Variants in CCDC112 observed in about 807,000 individuals in gnomAD.
The protein encoded by CCDC112 is coiled-coil domain-containing protein 112.
In CCDC112, 40 loss-of-function variants were observed where a neutral mutation model predicts 66.3. The ratio of observed to expected loss-of-function variants is 0.60; its 90% CI spans 0.47 to 0.79. The LOEUF (loss-of-function observed/expected upper bound fraction) is 0.79. CCDC112 is among the 30% of genes least tolerant of loss of function. CCDC112 has a pLI of 0.00. For missense variants in CCDC112, 659 were observed against 603.8 expected (o/e 1.09, Z -0.96); for synonymous variants, 214 against 197.2 (o/e 1.09, Z -0.71).
At chr5:115,296,375 C>G in intron 1 of CCDC112, 52 bp downstream of exon 1, 1 of 1,532,286 alleles carries the variant, frequency 6.5e-7, no homozygotes, top group Non-Finnish European at 8.7e-7. Flanking sequence ...TCAGCCAGGG[C>G]CTGCAGCCCC....
At position 115,284,650 on chromosome 5, in the gene CCDC112, T is replaced by C. The variant is rs1027460073; in HGVS notation, c.239+137A>G. The stretch of plus-strand genomic sequence containing the variant: ...TTATTTCATACCTCCCATCTTTCTC[T>C]TGTTATATTTGACAGGCTAGTGATT... On this transcript the variant is annotated intron_variant, in intron 2 of 9. Transcript: ENST00000379611. 8 of 549,190 alleles carry C rather than the reference T, an allele frequency of 1.5e-5. No homozygotes were observed. The African/African-American group carries it at 1.5e-4, about 10-fold the overall frequency. 34.0% of individuals were successfully genotyped at this position (549,190 alleles called of 1,614,324 possible). A position where few individuals can be genotyped will look rare whatever the true frequency, so the allele number is the denominator to read the frequency against.
At chr5:115,296,109 G>C (rs927530034) in intron 1 of CCDC112, 116 of 1,069,000 alleles carry the variant, frequency 1.1e-4, no homozygotes, top group Non-Finnish European at 1.3e-4. Context: ...TCCAAAGCTC[G>C]GGAGGTGCAT....
intron 2 of CCDC112, 91 bp from the exon 3 acceptor site, chr5:115,279,859 A>G: frequency 1.4e-6 from 1 of 706,982 alleles, no homozygotes; most frequent in Non-Finnish European, 2.3e-6. Context: ...CGTATTTTAT[A>G]TTTGGATTAA....
At chr5:115,275,186 AGAAT>A (rs1440712763) in intron 6 of CCDC112, 26 bp downstream of exon 6, 2 of 1,514,882 alleles carry the variant, frequency 1.3e-6, no homozygotes, top group Non-Finnish European at 1.8e-6. Context: ...ATAGAAACAC[AGAAT>A]GAATAATAGC....
chr5:115,269,096 T>G, intron 8 of CCDC112, 96 bp from the exon 9 acceptor site: 1 of 618,846 alleles, frequency 1.6e-6, no homozygotes, highest in Non-Finnish European at 2.7e-6. Flanking sequence ...AAAGACATAG[T>G]TGATATTGGC....
chr5:115,271,093 G>A, intron 7 of CCDC112, 120 bp downstream of exon 7: 1 of 826,542 alleles, frequency 1.2e-6, no homozygotes, highest in South Asian at 1.8e-5. Flanking sequence ...TACTCATTTT[G>A]GTATACTAAT....
intron 3 of CCDC112, 24 bp from the exon 4 acceptor site, chr5:115,277,078 TAAAA>T: frequency 3.7e-6 from 5 of 1,353,704 alleles, no homozygotes; most frequent in Non-Finnish European, 5.3e-6. Flanking sequence ...GTATGCACTT[TAAAA>T]TAATTCTGTG....
At chr5:115,287,192 T>TTATC (rs1749710731) in intron 1 of CCDC112, among the ~76,000 whole-genome samples, 1 of 152,236 alleles carries the variant, frequency 6.6e-6, no homozygotes, top group Admixed American at 6.5e-5. Flanking sequence ...CCAATAACTG[T>TTATC]TATCGTCTGT....
At chr5:115,270,629 C>A (rs1353660115) in intron 7 of CCDC112, among the ~76,000 whole-genome samples, 1 of 152,164 alleles carries the variant, frequency 6.6e-6, no homozygotes, top group African/African-American at 2.4e-5. Flanking sequence ...CTCATGGAGC[C>A]TACATTATGG....
intron 1 of CCDC112, among the ~76,000 whole-genome samples, chr5:115,289,603 T>C (rs747321725): frequency 3.3e-5 from 5 of 152,238 alleles, no homozygotes; most frequent in African/African-American, 1.2e-4. Flanking sequence ...TCGATCTAAA[T>C]TGAACTAAAT....
Position 115,267,749 on chromosome 5 carries a change from T to A in CCDC112, c.*127A>T, listed in dbSNP as rs75094465. The A allele has an allele frequency of 3.2e-3, 2,535 of 783,998 alleles. 35 individuals carry two copies. The African/African-American group carries it at 0.039, about 12-fold the overall frequency. The allele number at this position is 783,998 out of a possible 1,614,324, so 48.6% of individuals were successfully genotyped here. A position where few individuals can be genotyped will look rare whatever the true frequency, so the allele number is the denominator to read the frequency against. ...CCTCATGAAACTTAATACCTCTCAA[T>A]TCACAATATAGCACAATAATCAATC... On this transcript the variant is annotated 3_prime_UTR_variant, in exon 10 of 10. Coordinates refer to ENST00000379611, the MANE Select transcript of CCDC112 (RefSeq NM_001040440.3).
At chr5:115,280,559 CT>C (rs952117654) in intron 2 of CCDC112, 122 of 146,036 alleles carry the variant, frequency 8.4e-4, no homozygotes, top group Admixed American at 2.4e-3. Context: ...CTCAAATTAC[CT>C]TTTTTTTTTT....
chr5:115,291,959 G>A (rs530091511), intron 1 of CCDC112, among the ~76,000 whole-genome samples: 34 of 152,208 alleles, frequency 2.2e-4, no homozygotes, highest in Non-Finnish European at 4.6e-4. Context: ...GGTTTATTAC[G>A]ATGTGTCTAG....
At chr5:115,273,583 T>C (rs932173779) in intron 6 of CCDC112, among the ~76,000 whole-genome samples, 3 of 152,172 alleles carry the variant, frequency 2.0e-5, no homozygotes, top group African/African-American at 7.2e-5. Context: ...TATCAGGAAA[T>C]AGAGCAGATG....
intron 2 of CCDC112, among the ~76,000 whole-genome samples, chr5:115,284,166 G>C (rs1159416453): frequency 6.6e-6 from 1 of 151,896 alleles, no homozygotes; most frequent in African/African-American, 2.4e-5. Context: ...TCCTTAGTGA[G>C]ATCACACCCA....
At chr5:115,269,921 C>A in intron 7 of CCDC112, 123 bp from the exon 8 acceptor site, 1 of 585,056 alleles carries the variant, frequency 1.7e-6, no homozygotes, top group Non-Finnish European at 2.9e-6. Context: ...TTAATTCTTT[C>A]CAACAAAGCC....
At chr5:115,268,025 C>A (rs1291755611) in intron 9 of CCDC112, 107 bp from the exon 10 acceptor site, 6 of 838,130 alleles carry the variant, frequency 7.2e-6, no homozygotes, top group Non-Finnish European at 1.2e-5. Flanking sequence ...ACCTACCCTG[C>A]ATGTTGTTTG....
At chr5:115,277,976 A>C (rs1230742836) in intron 3 of CCDC112, among the ~76,000 whole-genome samples, 1 of 152,128 alleles carries the variant, frequency 6.6e-6, no homozygotes, top group Non-Finnish European at 1.5e-5. Context: ...TTTAAGAAAA[A>C]GTTTACCTAT....
rs1357609245 is a variant in CCDC112, at chr5:115,279,544, T to C, written c.361+103A>G. On this transcript the variant is annotated intron_variant, in intron 3 of 9. Transcript: ENST00000379611. ...ACAGTCAATAGAGAACTGACTCTAT[T>C]GATAGAGAACACAATACAGTCAATG... 4 of 1,179,616 alleles carry C rather than the reference T, an allele frequency of 3.4e-6. No individual in the cohort carries two copies. The African/African-American group carries it at 4.6e-5, about 13-fold the overall frequency. 73.1% of individuals were successfully genotyped at this position (1,179,616 alleles called of 1,614,324 possible).
Sources: gnomAD v4.1 joint callset for allele counts (sites outside exome capture counted in the v4.1 genomes callset) on GRCh38, gnomAD v4.1.1 for gene constraint, MANE v1.5 for transcripts, NCBI Gene and HGNC (gene_info 2026-07-23, HGNC 2026-07-21) for gene names.